The following C1orf146 variants were observed in gnomAD, a reference collection of about 807,000 sequenced individuals.
C1orf146 encodes chromosome 1 open reading frame 146.
In C1orf146, 22 loss-of-function variants were observed where a neutral mutation model predicts 23.0. The observed-to-expected ratio is 0.96, with a 90% CI of 0.68 to 1.36. The LOEUF (loss-of-function observed/expected upper bound fraction) is 1.36. Ranked by LOEUF, C1orf146 falls within the 40% of genes most tolerant of loss-of-function variation. The pLI is 0.00. For missense variants in C1orf146, 199 were observed against 206.8 expected (o/e 0.96, Z 0.23); for synonymous variants, 59 against 65.3 (o/e 0.90, Z 0.47).
At position 92,245,762 on chromosome 1, in the gene C1orf146, A is replaced by G. The variant is rs1449014065; in HGVS notation, c.*88A>G. The G allele has an allele frequency of 3.7e-6, 3 of 808,638 alleles. No homozygotes were observed. The highest frequency in any genetic ancestry group is 5.5e-6 in the Non-Finnish European group (3 of 545,062). The allele number at this position is 808,638 out of a possible 1,614,324, so 50.1% of individuals were successfully genotyped here. On this transcript the variant is annotated 3_prime_UTR_variant, in exon 6 of 6. Coordinates refer to ENST00000370375, the MANE Select transcript of C1orf146 (RefSeq NM_001012425.2). ...TTCAAATATCTATTTAAAGACATTT[A>G]TATTAATTTGAAATAATAACATATA... is the stretch of plus-strand genomic sequence containing the variant.
chr1:92,241,498 T>C (rs1652431055), intron 2 of C1orf146, among the ~76,000 whole-genome samples: 1 of 151,486 alleles, frequency 6.6e-6, no homozygotes, highest in Admixed American at 6.6e-5. Flanking sequence ...CTCCAAGTTG[T>C]TTGTTTTTTG....
chr1:92,224,294 C>T (rs188786738), intron 1 of C1orf146, among the ~76,000 whole-genome samples: 11 of 150,308 alleles, frequency 7.3e-5, no homozygotes, highest in Middle Eastern at 3.5e-3. Context: ...ATGATCTGCT[C>T]GCCTCAGCCT....
At position 92,226,503 on chromosome 1, in the gene C1orf146, C is replaced by T. The variant is rs114101165; in HGVS notation, c.-39-4879C>T. Among the ~76,000 whole-genome samples the T allele has an allele frequency of 5.6e-3, 850 of 152,106 alleles. 13 individuals carry two copies. Among genetic ancestry groups the T allele is most frequent in the Middle Eastern group, 0.024 (7 of 294 alleles). On this transcript the variant is annotated intron_variant, in intron 1 of 5. Coordinates refer to ENST00000370375, the MANE Select transcript of C1orf146 (RefSeq NM_001012425.2). ...GAAATTAAGAGAACTGAGGAAAATA[C>T]GTATTTATTTAGTCTTACATTTATG...
chr1:92,240,859 A>G (rs1203289022), intron 2 of C1orf146: 2 of 453,262 alleles, frequency 4.4e-6, no homozygotes, highest in Non-Finnish European at 9.1e-6. Context: ...AAAACTATTA[A>G]CCACCTAGAT....
chr1:92,224,932 G>T lies in C1orf146; in HGVS notation c.-39-6450G>T, dbSNP rs146808395. Among the ~76,000 whole-genome samples, 542 of 151,808 alleles carry T rather than the reference G, an allele frequency of 3.6e-3. 5 individuals carry two copies. The highest frequency in any genetic ancestry group is 0.013 in the African/African-American group (523 of 41,384). ...TGATTTTTGTAGTTTTAGTGGAGAC[G>T]GGGTTTCACCATGTTGGCTAGGTTG... is the stretch of plus-strand genomic sequence containing the variant. On this transcript the variant is annotated intron_variant, in intron 1 of 5. Transcript: ENST00000370375.
chr1:92,237,069 T>A (rs1356443172), intron 2 of C1orf146, among the ~76,000 whole-genome samples: 1 of 152,038 alleles, frequency 6.6e-6, no homozygotes, highest in Non-Finnish European at 1.5e-5. Flanking sequence ...CTCCTGTAGC[T>A]CGTAGTTTGA....
At chr1:92,242,432 TTAC>T in intron 3 of C1orf146, 127 bp downstream of exon 3, 1 of 366,360 alleles carries the variant, frequency 2.7e-6, no homozygotes, top group Non-Finnish European at 4.3e-6. Flanking sequence ...TAAAACTTTG[TTAC>T]TACTACAAAC....
chr1:92,234,735 T>A (rs1417925244), intron 2 of C1orf146, among the ~76,000 whole-genome samples: 2 of 152,258 alleles, frequency 1.3e-5, no homozygotes, highest in East Asian at 3.8e-4. Flanking sequence ...TGAATCCATC[T>A]GGTCCTGGAC....
At chr1:92,224,816 C>T (rs1651926304) in intron 1 of C1orf146, among the ~76,000 whole-genome samples, 1 of 152,004 alleles carries the variant, frequency 6.6e-6, no homozygotes, top group Non-Finnish European at 1.5e-5. Context: ...GATCTCGGCT[C>T]ACTGCAACCT....
intron 2 of C1orf146, among the ~76,000 whole-genome samples, chr1:92,235,265 C>G (rs1025531929): frequency 3.3e-5 from 5 of 152,168 alleles, no homozygotes; most frequent in African/African-American, 1.2e-4. Context: ...AAATTTCCCT[C>G]TACACACTGC....
chr1:92,231,010 G>A lies in C1orf146; in HGVS notation c.-39-372G>A, dbSNP rs373327551. Among the ~76,000 whole-genome samples the A allele has an allele frequency of 2.3e-4, 35 of 152,292 alleles. No individual in the cohort carries two copies. The East Asian group carries it at 3.9e-3, about 17-fold the overall frequency. ...AAAATAATGGTGCTGTGGCTATACT[G>A]CTATTGCTCTGAGTGAAAAACTGTC... On this transcript the variant is annotated intron_variant, in intron 1 of 5. Transcript: ENST00000370375.
intron 1 of C1orf146, chr1:92,229,418 C>T: frequency 1.9e-6 from 1 of 529,850 alleles, no homozygotes. Context: ...CGTCGGGCAG[C>T]TTGTAGCTCT....
chr1:92,223,117 T>C (rs1651876398), intron 1 of C1orf146, among the ~76,000 whole-genome samples: 1 of 152,190 alleles, frequency 6.6e-6, no homozygotes, highest in Admixed American at 6.5e-5. Flanking sequence ...TACAAATAAA[T>C]CATTCATGTG....
intron 1 of C1orf146, among the ~76,000 whole-genome samples, chr1:92,228,560 T>C (rs558535171): frequency 6.6e-6 from 1 of 152,272 alleles, no homozygotes; most frequent in East Asian, 1.9e-4. Context: ...CTCCAGATTG[T>C]CTGATTGAAA....
intron 2 of C1orf146, among the ~76,000 whole-genome samples, chr1:92,233,839 T>C (rs575911509): frequency 1.7e-3 from 253 of 152,310 alleles, no homozygotes; most frequent in Middle Eastern, 0.014. Context: ...CCTTGTAAGG[T>C]GGATTCCTAG....
chr1:92,223,659 A>G (rs1007662203), intron 1 of C1orf146, among the ~76,000 whole-genome samples: 4 of 152,082 alleles, frequency 2.6e-5, no homozygotes, highest in African/African-American at 9.7e-5. Context: ...CAGCCTTCTG[A>G]GTAGCTGTGG....
At chr1:92,232,231 GTA>G (rs1339924174) in intron 2 of C1orf146, among the ~76,000 whole-genome samples, 1 of 151,788 alleles carries the variant, frequency 6.6e-6, no homozygotes, top group African/African-American at 2.4e-5. Flanking sequence ...CTAGCATTAG[GTA>G]TATCTCCCAA....
intron 3 of C1orf146, 130 bp downstream of exon 3, chr1:92,242,435 C>A: frequency 2.9e-6 from 1 of 339,474 alleles, no homozygotes; most frequent in East Asian, 4.4e-5. Flanking sequence ...AACTTTGTTA[C>A]TACTACAAAC....
chr1:92,222,414 T>C lies in C1orf146; in HGVS notation c.-40+4366T>C, dbSNP rs1166887501. On this transcript the variant is annotated intron_variant, in intron 1 of 5. Transcript: ENST00000370375. ...TGTATAACATATGTATGCTGTGATG[T>C]TTTGACACATTTATACACCTGTGAA... is the stretch of plus-strand genomic sequence containing the variant. Among the ~76,000 whole-genome samples the C allele has an allele frequency of 8.5e-5, 13 of 152,144 alleles. No homozygotes were observed. The East Asian group carries it at 2.3e-3, about 27-fold the overall frequency.
Sources: allele counts gnomAD v4.1 joint callset (sites outside exome capture counted in the v4.1 genomes callset), GRCh38; gene constraint gnomAD v4.1.1; transcripts MANE v1.5; gene names NCBI Gene and HGNC (gene_info 2026-07-23, HGNC 2026-07-21).